Variants in BRINP3 observed in about 807,000 individuals in gnomAD.
The protein encoded by BRINP3 is BMP/retinoic acid-inducible neural-specific protein 3.
A neutral mutation model predicts 71.0 loss-of-function variants in BRINP3; 19 were observed. The ratio of observed to expected loss-of-function variants is 0.27; its 90% CI spans 0.19 to 0.39. BRINP3 has a LOEUF of 0.39. Ranked by LOEUF, BRINP3 falls within the 10% of genes least tolerant of loss-of-function variation. BRINP3 has a pLI of 1.00. For synonymous variants in BRINP3, 380 were observed against 337.7 expected, an observed-to-expected ratio of 1.13 and a Z score of -1.37; for missense variants, 959 against 940.8, an observed-to-expected ratio of 1.02 and a Z score of -0.25.
intron 2 of BRINP3, among the ~76,000 whole-genome samples, chr1:190,395,391 T>G (rs1671503844): frequency 6.6e-6 from 1 of 151,678 alleles, no homozygotes; most frequent in African/African-American, 2.4e-5. Flanking sequence ...GAAAAAACTT[T>G]CTATTTAACT....
intron 3 of BRINP3, among the ~76,000 whole-genome samples, chr1:190,269,475 T>C (rs73056787): frequency 4.6e-5 from 7 of 152,164 alleles, no homozygotes; most frequent in African/African-American, 1.7e-4. Flanking sequence ...ACAAATTGCA[T>C]TGATACGGAA....
chr1:190,278,769 C>T (rs1662816822), intron 3 of BRINP3, among the ~76,000 whole-genome samples: 2 of 151,330 alleles, frequency 1.3e-5, no homozygotes, highest in Admixed American at 6.6e-5. Flanking sequence ...TTTCAAAAAA[C>T]TGAAGTAAAA....
chr1:190,456,168 T>C (rs1675970581), intron 1 of BRINP3, among the ~76,000 whole-genome samples: 1 of 152,328 alleles, frequency 6.6e-6, no homozygotes, highest in Non-Finnish European at 1.5e-5. Flanking sequence ...TGTACTTTCC[T>C]AGCTATAACC....
chr1:190,476,645 T>G (rs1314525007), intron 1 of BRINP3, among the ~76,000 whole-genome samples: 1 of 152,096 alleles, frequency 6.6e-6, no homozygotes, highest in Non-Finnish European at 1.5e-5. Context: ...GCAATTAAAT[T>G]TTTCATGTAA....
At chr1:190,109,112 T>A (rs1014089053) in intron 7 of BRINP3, among the ~76,000 whole-genome samples, 9 of 152,178 alleles carry the variant, frequency 5.9e-5, no homozygotes, top group African/African-American at 2.2e-4. Context: ...TACAAAGTTA[T>A]GTTATCTTTA....
At chr1:190,297,779 C>CGTGT (rs58341057) in intron 2 of BRINP3, among the ~76,000 whole-genome samples, 45,009 of 146,520 alleles carry the variant, frequency 0.31, 7,467 homozygotes, top group Non-Finnish European at 0.39. Flanking sequence ...TCTGTTTTCT[C>CGTGT]GTGTGTGTGT....
chr1:190,340,280 C>T (rs1222306175), intron 2 of BRINP3, among the ~76,000 whole-genome samples: 1 of 151,874 alleles, frequency 6.6e-6, no homozygotes, highest in Admixed American at 6.6e-5. Context: ...GGAGGACACT[C>T]CCCAAAAGAC....
At chr1:190,318,896 G>A (rs12090663) in intron 2 of BRINP3, among the ~76,000 whole-genome samples, 2,389 of 151,960 alleles carry the variant, frequency 0.016, 59 homozygotes, top group African/African-American at 0.054. Flanking sequence ...ATAACAAAGC[G>A]CAGATGTAGA....
At chr1:190,430,595 G>A (rs1401096115) in intron 2 of BRINP3, among the ~76,000 whole-genome samples, 1 of 151,894 alleles carries the variant, frequency 6.6e-6, no homozygotes, top group Admixed American at 6.6e-5. Context: ...AAGCCTCATA[G>A]CTAAATTGTA....
intron 6 of BRINP3, among the ~76,000 whole-genome samples, chr1:190,176,280 A>G (rs1652500047): frequency 6.6e-6 from 1 of 152,184 alleles, no homozygotes. Context: ...GTTTGTTGAG[A>G]GATGTGGGCT....
At chr1:190,274,837 A>G (rs1662414471) in intron 3 of BRINP3, among the ~76,000 whole-genome samples, 2 of 151,498 alleles carry the variant, frequency 1.3e-5, no homozygotes, top group South Asian at 2.1e-4. Context: ...ACATAAGAAG[A>G]AAAAAAACAA....
At chr1:190,372,161 T>A (rs991074326) in intron 2 of BRINP3, among the ~76,000 whole-genome samples, 10 of 152,190 alleles carry the variant, frequency 6.6e-5, no homozygotes, top group African/African-American at 2.2e-4. Flanking sequence ...CTCACAGACA[T>A]TAAGAATTCA....
intron 2 of BRINP3, among the ~76,000 whole-genome samples, chr1:190,299,471 T>C (rs1017270898): frequency 1.3e-5 from 2 of 151,772 alleles, no homozygotes; most frequent in African/African-American, 2.4e-5. Context: ...TTAGGGTACA[T>C]GTGCACAATG....
At chr1:190,310,799 T>C (rs566407970) in intron 2 of BRINP3, among the ~76,000 whole-genome samples, 24 of 151,660 alleles carry the variant, frequency 1.6e-4, no homozygotes, top group Non-Finnish European at 3.1e-4. Flanking sequence ...AAAATCAGAG[T>C]CACTTATTAC....
intron 1 of BRINP3, among the ~76,000 whole-genome samples, chr1:190,473,386 A>T (rs1005082407): frequency 6.6e-6 from 1 of 151,996 alleles, no homozygotes; most frequent in Non-Finnish European, 1.5e-5. Context: ...AGTAAGCCAT[A>T]CTAGCAGAAA....
chr1:190,455,409 C>T (rs1262489325), intron 1 of BRINP3, among the ~76,000 whole-genome samples: 1 of 151,872 alleles, frequency 6.6e-6, no homozygotes, highest in Admixed American at 6.6e-5. Flanking sequence ...TCTACATAAA[C>T]ACGGAGTAAA....
intron 2 of BRINP3, among the ~76,000 whole-genome samples, chr1:190,310,909 A>C (rs960227335): frequency 6.6e-6 from 1 of 151,794 alleles, no homozygotes; most frequent in African/African-American, 2.4e-5. Context: ...TTTAATTTTA[A>C]ACAAAAACAA....
intron 2 of BRINP3, among the ~76,000 whole-genome samples, chr1:190,390,765 G>C (rs901256172): frequency 6.6e-6 from 1 of 151,784 alleles, no homozygotes; most frequent in Non-Finnish European, 1.5e-5. Flanking sequence ...TTCAGTGCAA[G>C]AAGCTAAATG....
chr1:190,458,622 C>G (rs984496403), intron 1 of BRINP3, among the ~76,000 whole-genome samples: 1 of 151,896 alleles, frequency 6.6e-6, no homozygotes, highest in Non-Finnish European at 1.5e-5. Context: ...CCATATTAAT[C>G]CATGTGTCAG....
Sources: allele counts gnomAD v4.1 joint callset (sites outside exome capture counted in the v4.1 genomes callset), GRCh38; gene constraint gnomAD v4.1.1; transcripts MANE v1.5; gene names NCBI Gene and HGNC (gene_info 2026-07-23, HGNC 2026-07-21).